The following STMN2 variants were observed in gnomAD, a reference collection of about 807,000 sequenced individuals.
The protein encoded by STMN2 is stathmin 2.
A neutral mutation model predicts 24.1 loss-of-function variants in STMN2; 2 were observed. That is an observed-to-expected ratio of 0.08 (90% CI 0.03 to 0.26). The LOEUF (loss-of-function observed/expected upper bound fraction) is 0.26. Ranked by LOEUF, STMN2 falls within the 10% of genes least tolerant of loss-of-function variation. The probability of loss-of-function intolerance (pLI) is 1.00; values close to 1 mark genes in which losing one functional copy is unlikely to be tolerated. For synonymous variants in STMN2, 83 were observed against 77.5 expected, an observed-to-expected ratio of 1.07 and a Z score of -0.37; for missense variants, 114 against 213.6, an observed-to-expected ratio of 0.53 and a Z score of 2.91.
At chr8:79,629,310 T>C (rs1265509299) in intron 1 of STMN2, among the ~76,000 whole-genome samples, 2 of 152,170 alleles carry the variant, frequency 1.3e-5, no homozygotes, top group African/African-American at 4.8e-5. Flanking sequence ...ATATTTATTC[T>C]ATTCTCTTTG....
At chr8:79,648,123 A>T (rs534008826) in intron 3 of STMN2, among the ~76,000 whole-genome samples, 1 of 152,330 alleles carries the variant, frequency 6.6e-6, no homozygotes, top group South Asian at 2.1e-4. Context: ...GTCTTTAAGA[A>T]CATGTGGTTA....
chr8:79,627,997 A>G (rs548518977), intron 1 of STMN2, among the ~76,000 whole-genome samples: 10 of 152,098 alleles, frequency 6.6e-5, no homozygotes, highest in African/African-American at 2.2e-4. Context: ...TTATTAATTC[A>G]TTTGTTGATG....
intron 1 of STMN2, among the ~76,000 whole-genome samples, chr8:79,635,814 G>A (rs971410252): frequency 1.3e-5 from 2 of 152,082 alleles, no homozygotes; most frequent in Admixed American, 6.6e-5. Context: ...CAATACCTGG[G>A]TGATGGGATT....
rs1585909206 is a variant in STMN2, at chr8:79,655,157, T to C, written c.480+95T>C. The C allele has an allele frequency of 1.2e-5, 18 of 1,460,932 alleles. No individual in the cohort carries two copies. In the East Asian group the frequency reaches 4.3e-4, roughly 35 times the overall value. 90.5% of individuals were successfully genotyped at this position (1,460,932 alleles called of 1,614,324 possible). On this transcript the variant is annotated intron_variant, in intron 4 of 4. Coordinates refer to ENST00000220876, the MANE Select transcript of STMN2 (RefSeq NM_007029.4). The stretch of plus-strand genomic sequence containing the variant: ...CCTGAGCACAGAGACGAAGTCAAAA[T>C]TTGCTGCAGGTGTGAGGACAACTAA...
intron 1 of STMN2, among the ~76,000 whole-genome samples, chr8:79,625,878 G>A (rs1365862465): frequency 6.6e-6 from 1 of 152,168 alleles, no homozygotes; most frequent in Non-Finnish European, 1.5e-5. Flanking sequence ...AGAATCGCTT[G>A]AACCCAGGAG....
chr8:79,615,604 C>T (rs1225959322), intron 1 of STMN2, among the ~76,000 whole-genome samples: 1 of 152,182 alleles, frequency 6.6e-6, no homozygotes, highest in African/African-American at 2.4e-5. Context: ...TAACTTTTCA[C>T]CACACTAGAG....
At chr8:79,634,589 T>C (rs1018542308) in intron 1 of STMN2, among the ~76,000 whole-genome samples, 35 of 152,238 alleles carry the variant, frequency 2.3e-4, no homozygotes, top group Non-Finnish European at 1.5e-5. Context: ...GAAAGCCTTC[T>C]GGCAGTTTTT....
chr8:79,639,791 A>G (rs1460148610), intron 2 of STMN2, among the ~76,000 whole-genome samples: 4 of 152,250 alleles, frequency 2.6e-5, no homozygotes, highest in Non-Finnish European at 4.4e-5. Flanking sequence ...GCAAATTCAC[A>G]TATGCATTAC....
intron 3 of STMN2, among the ~76,000 whole-genome samples, chr8:79,642,182 C>T (rs1344492831): frequency 1.3e-5 from 2 of 152,108 alleles, no homozygotes; most frequent in Admixed American, 6.6e-5. Context: ...TTTTCTAAGA[C>T]TTGATGGGGA....
intron 2 of STMN2, 113 bp from the exon 3 acceptor site, chr8:79,641,265 T>C (rs567633745): frequency 1.7e-6 from 2 of 1,157,074 alleles, no homozygotes; most frequent in African/African-American, 3.1e-5. Context: ...CAGCATTTTA[T>C]TCCTATCTCC....
intron 3 of STMN2, among the ~76,000 whole-genome samples, chr8:79,650,195 A>G (rs777105356): frequency 3.3e-5 from 5 of 152,184 alleles, no homozygotes; most frequent in Admixed American, 6.5e-5. Flanking sequence ...TGTTAGGTAC[A>G]GGTTATTTAG....
At chr8:79,632,215 GTATA>G (rs143929230) in intron 1 of STMN2, among the ~76,000 whole-genome samples, 2,533 of 152,156 alleles carry the variant, frequency 0.017, 79 homozygotes, top group African/African-American at 0.058. Context: ...TTTCTGCCAC[GTATA>G]TATAAATTGG....
chr8:79,619,766 C>T (rs1355083068), intron 1 of STMN2, among the ~76,000 whole-genome samples: 3 of 152,012 alleles, frequency 2.0e-5, no homozygotes. Flanking sequence ...CAATTAGCAC[C>T]CTTCTCATAA....
intron 2 of STMN2, among the ~76,000 whole-genome samples, chr8:79,638,056 C>T (rs1029127262): frequency 2.0e-5 from 3 of 152,226 alleles, no homozygotes; most frequent in African/African-American, 2.4e-5. Flanking sequence ...CAAATTCATT[C>T]GGTCAGCAAA....
chr8:79,656,478 T>G (rs1028465755), intron 4 of STMN2, among the ~76,000 whole-genome samples: 1 of 152,208 alleles, frequency 6.6e-6, no homozygotes, highest in Non-Finnish European at 1.5e-5. Flanking sequence ...TCCAGGTGAT[T>G]TATGGCGGTA....
At chr8:79,664,741 A>T in intron 4 of STMN2, 74 bp from the exon 5 acceptor site, 1 of 1,463,582 alleles carries the variant, frequency 6.8e-7, no homozygotes, top group Non-Finnish European at 9.3e-7. Context: ...GGTTACTTCT[A>T]GTCAAGCGCA....
Position 79,633,330 on chromosome 8 carries a change from G to A in STMN2, c.20-3472G>A, listed in dbSNP as rs552138243. Among the ~76,000 whole-genome samples, 48 of 152,258 alleles carry A rather than the reference G, an allele frequency of 3.2e-4. No homozygotes were observed. In the South Asian group the frequency reaches 9.8e-3, roughly 31 times the overall value. On this transcript the variant is annotated intron_variant, in intron 1 of 4. Coordinates refer to ENST00000220876, the MANE Select transcript of STMN2 (RefSeq NM_007029.4). ...CATGCTATGTGGGGTCATAGCCTTT[G>A]AAACAAATAACAGTAAAGATAAAAA...
At chr8:79,617,099 C>T (rs553175385) in intron 1 of STMN2, among the ~76,000 whole-genome samples, 11 of 152,060 alleles carry the variant, frequency 7.2e-5, no homozygotes, top group Non-Finnish European at 1.2e-4. Flanking sequence ...GTATTTCTTC[C>T]TGAATACCAT....
intron 1 of STMN2, among the ~76,000 whole-genome samples, chr8:79,627,648 T>C (rs1000486060): frequency 2.3e-4 from 35 of 152,246 alleles, no homozygotes; most frequent in African/African-American, 8.2e-4. Context: ...GACATTAATT[T>C]CTTTATGAAG....
Sources: gnomAD v4.1 joint callset for allele counts (sites outside exome capture counted in the v4.1 genomes callset) on GRCh38, gnomAD v4.1.1 for gene constraint, MANE v1.5 for transcripts, NCBI Gene and HGNC (gene_info 2026-07-23, HGNC 2026-07-21) for gene names.